The following DOCK1 variants were observed in gnomAD, a reference collection of about 807,000 sequenced individuals.
DOCK1 encodes dedicator of cytokinesis 1.
A neutral mutation model predicts 262.7 loss-of-function variants in DOCK1; 138 were observed. The observed-to-expected ratio is 0.53, with a 90% confidence interval of 0.46 to 0.61. DOCK1 has a LOEUF of 0.61. Ranked by LOEUF, DOCK1 falls within the 20% of genes least tolerant of loss-of-function variation. DOCK1 has a pLI of 0.00. For synonymous variants in DOCK1, 866 were observed against 867.4 expected (o/e 1.00, Z 0.03); for missense variants, 1,908 against 2,370.7 (o/e 0.80, Z 4.05).
At chr10:127,288,773 T>TCACA (rs3221847) in intron 29 of DOCK1, among the ~76,000 whole-genome samples, 7,414 of 143,450 alleles carry the variant, frequency 0.052, 321 homozygotes, top group African/African-American at 0.11. Flanking sequence ...TGTATATATT[T>TCACA]CACACACACA....
At chr10:127,106,099 C>T in intron 23 of DOCK1, 132 bp from the exon 24 acceptor site, 1 of 878,342 alleles carries the variant, frequency 1.1e-6, no homozygotes, top group East Asian at 2.8e-5. Flanking sequence ...ATCGTGTTAG[C>T]CGTCAGCCCC....
At chr10:127,310,185 T>C (rs1054064314) in intron 29 of DOCK1, among the ~76,000 whole-genome samples, 1 of 152,192 alleles carries the variant, frequency 6.6e-6, no homozygotes, top group African/African-American at 2.4e-5. Flanking sequence ...TGCTTTACAC[T>C]TTTTACATAG....
intron 32 of DOCK1, among the ~76,000 whole-genome samples, chr10:127,358,305 G>A (rs759528151): frequency 6.6e-6 from 1 of 152,110 alleles, no homozygotes; most frequent in Non-Finnish European, 1.5e-5. Context: ...GGCAAACATG[G>A]CACTGCCCCA....
intron 1 of DOCK1, among the ~76,000 whole-genome samples, chr10:126,922,723 CACA>C (rs2033324859): frequency 6.6e-6 from 1 of 152,138 alleles, no homozygotes; most frequent in South Asian, 2.1e-4. Flanking sequence ...GTGGTGGTTG[CACA>C]ACATTAGGAA....
chr10:126,922,833 G>T (rs2033336607), intron 1 of DOCK1, among the ~76,000 whole-genome samples: 1 of 152,172 alleles, frequency 6.6e-6, no homozygotes, highest in African/African-American at 2.4e-5. Flanking sequence ...GATGAGGACC[G>T]GGTACGGTGG....
Position 127,375,389 on chromosome 10 carries a change from C to T in DOCK1, c.3675+1175C>T, listed in dbSNP as rs191808758. On this transcript the variant is annotated intron_variant, in intron 35 of 51. Transcript: ENST00000623213. ...TACTCCTGCTTTGCTCTACTTACCT[C>T]CCTTCTCTGCCCAGCCACTGGCCTC... Among the ~76,000 whole-genome samples the T allele has an allele frequency of 1.6e-3, 251 of 152,338 alleles. 1 individual carries two copies. The highest frequency in any genetic ancestry group is 1.3e-3 in the Non-Finnish European group (86 of 68,026).
At chr10:127,093,392 T>TC (rs2047701038) in intron 23 of DOCK1, among the ~76,000 whole-genome samples, 1 of 151,104 alleles carries the variant, frequency 6.6e-6, no homozygotes, top group African/African-American at 2.4e-5. Context: ...ACCACAGGCA[T>TC]CCAGGCTGGA....
chr10:127,250,240 GT>G (rs1430795070), intron 28 of DOCK1, among the ~76,000 whole-genome samples: 2 of 152,162 alleles, frequency 1.3e-5, no homozygotes, highest in Non-Finnish European at 2.9e-5. Context: ...AAGTCCCCAC[GT>G]GCAAACATGT....
chr10:127,073,898 G>A (rs894955547), intron 23 of DOCK1, among the ~76,000 whole-genome samples: 1 of 152,198 alleles, frequency 6.6e-6, no homozygotes, highest in Admixed American at 6.5e-5. Context: ...GGAGCTGTCT[G>A]CTGAGGTGAT....
At chr10:126,930,945 C>T (rs1304999516) in intron 1 of DOCK1, among the ~76,000 whole-genome samples, 1 of 152,094 alleles carries the variant, frequency 6.6e-6, no homozygotes, top group East Asian at 1.9e-4. Context: ...AGGACGGACT[C>T]CCTGTCTCTT....
intron 49 of DOCK1, among the ~76,000 whole-genome samples, chr10:127,443,375 A>T (rs915874158): frequency 6.6e-6 from 1 of 152,198 alleles, no homozygotes; most frequent in Non-Finnish European, 1.5e-5. Flanking sequence ...ACTCTGGGAG[A>T]GGAGCAGGCT....
chr10:127,438,587 A>G (rs1398757178), intron 48 of DOCK1, among the ~76,000 whole-genome samples: 1 of 152,192 alleles, frequency 6.6e-6, no homozygotes, highest in African/African-American at 2.4e-5. Context: ...ACAACCGTCT[A>G]TCTGTAATCA....
intron 22 of DOCK1, among the ~76,000 whole-genome samples, chr10:127,060,863 G>A (rs989337349): frequency 2.6e-5 from 4 of 152,216 alleles, no homozygotes; most frequent in Admixed American, 6.5e-5. Context: ...CATTTTAAAG[G>A]ATTAGAAGAT....
At chr10:127,113,564 G>T (rs1378034320) in intron 25 of DOCK1, among the ~76,000 whole-genome samples, 2 of 152,302 alleles carry the variant, frequency 1.3e-5, no homozygotes, top group East Asian at 1.9e-4. Flanking sequence ...TCGTTGCCAG[G>T]TCTGGGTCCC....
At chr10:127,339,733 G>GTGTGTGTGTGTGTGCGCA (rs71032552) in intron 30 of DOCK1, among the ~76,000 whole-genome samples, 1 of 109,230 alleles carries the variant, frequency 9.2e-6, no homozygotes, top group Non-Finnish European at 1.9e-5. Flanking sequence ...GTGTGTGTGT[G>GTGTGTGTGTGTGTGCGCA]TGCATGCTGT....
chr10:127,419,699 CCT>C lies in DOCK1; in HGVS notation c.4727_4728del (p.Pro1576ArgfsTer4). ...TACAGACCGGTACCTGCAGGAGCACCCTGAGGCCCATGAAAAGATCGAGAAGC... is the reference window on the plus strand; with the variant it reads ...TACAGACCGGTACCTGCAGGAGCACCGAGGCCCATGAAAAGATCGAGAAGC... ...FFTDRYLQEH[P>X]EAHEKIEKLK... is the part of the protein sequence containing the mutation. On this transcript the variant is annotated frameshift_variant, in exon 46 of 52. Transcript: ENST00000623213. LOFTEE classifies it high-confidence loss of function. 6.2e-7 allele frequency: 1 copy of C among 1,606,056 alleles called. No individual in the cohort carries two copies. The highest frequency in any genetic ancestry group is 8.5e-7 in the Non-Finnish European group (1 of 1,176,200).
At chr10:126,917,352 C>T (rs1013271689) in intron 1 of DOCK1, among the ~76,000 whole-genome samples, 1 of 152,204 alleles carries the variant, frequency 6.6e-6, no homozygotes, top group African/African-American at 2.4e-5. Flanking sequence ...TTTTTCACAG[C>T]TCAACCAACA....
In DOCK1 at chr10:127,123,423, C is replaced by T. The variant is rs370817371; in HGVS notation, c.2624-2051C>T. On this transcript the variant is annotated intron_variant, in intron 25 of 51. Transcript: ENST00000623213. Reference sequence around the variant, plus strand: ...CTCATTTGGGAGATATTATGGTGGGCACCACGAGGAAGAGTGCTGGCAGGG... The same window carrying T: ...CTCATTTGGGAGATATTATGGTGGGTACCACGAGGAAGAGTGCTGGCAGGG... Among the ~76,000 whole-genome samples the T allele has an allele frequency of 8.5e-5, 13 of 152,298 alleles. No homozygotes were observed. In the East Asian group the frequency reaches 1.4e-3, roughly 16 times the overall value.
rs747980358 is a variant in DOCK1, at chr10:127,125,476, T to C, written c.2626T>C (p.Cys876Arg). The C allele has an allele frequency of 1.2e-6, 2 of 1,612,672 alleles. No homozygotes were observed. The highest frequency in any genetic ancestry group is 1.7e-5 in the Admixed American group (1 of 59,988). Residue 876 changes from cysteine (C) to arginine (R), a missense_variant and splice_region_variant, in exon 26 of 52, where the codon TGC (cysteine) becomes CGC (arginine). Transcript: ENST00000623213. ...TGGCAATGCTGTGTCCTGTGTAGAC[T>C]GCAGAGAGATCCTGCTTCCCATGAT... is the stretch of plus-strand genomic sequence containing the variant. ...VHSDLFTQHD[C>R]REILLPMMTD...
Sources: allele counts gnomAD v4.1 joint callset (sites outside exome capture counted in the v4.1 genomes callset), GRCh38; gene constraint gnomAD v4.1.1; transcripts MANE v1.5; gene names NCBI Gene and HGNC (gene_info 2026-07-23, HGNC 2026-07-21).